IRAG2: variants seen among roughly 807,000 people sequenced by gnomAD.
IRAG2 encodes the protein lymphoid restricted membrane protein.
Under a neutral mutation model 69.9 loss-of-function variants are expected in IRAG2, and 45 were observed. The observed-to-expected ratio is 0.64, with a 90% CI of 0.51 to 0.83. IRAG2 has a LOEUF of 0.83. Among genes scored for constraint, IRAG2 ranks in the 40% least tolerant of loss-of-function variants. The pLI, the probability that IRAG2 is intolerant of heterozygous loss-of-function variation, is 0.00. For synonymous variants in IRAG2, 193 were observed against 202.4 expected (o/e 0.95, Z 0.40); for missense variants, 520 against 587.0 (o/e 0.89, Z 1.18).
At chr12:25,096,783 CTTCTT>C (rs775733858) in intron 14 of IRAG2, 122 bp from the exon 15 acceptor site, 38 of 699,336 alleles carry the variant, frequency 5.4e-5, no homozygotes, top group Non-Finnish European at 8.7e-5. Context: ...ATCTTTGCTG[CTTCTT>C]TTCATCTTCC....
At chr12:25,056,884 C>T (rs1450924198) in intron 1 of IRAG2, among the ~76,000 whole-genome samples, 1 of 152,140 alleles carries the variant, frequency 6.6e-6, no homozygotes, top group South Asian at 2.1e-4. Context: ...GTGTCTGCAC[C>T]TGGGCCTCCC....
chr12:25,042,482 T>A (rs78417645), intron 16 of IRAG2, among the ~76,000 whole-genome samples: 2 of 152,172 alleles, frequency 1.3e-5, no homozygotes, highest in Admixed American at 1.3e-4. Flanking sequence ...ATTTTTTTTT[T>A]ATGAGACAGA....
At chr12:25,051,312 C>T (rs1326570781), upstream of IRAG2, among the ~76,000 whole-genome samples, 1 of 152,152 alleles carries the variant, frequency 6.6e-6, no homozygotes, top group Admixed American at 6.5e-5. Context: ...TCATGTGGTC[C>T]TTCGTGTAAC....
chr12:25,015,141 A>G, intron 3 of IRAG2: 2 of 814,442 alleles, frequency 2.5e-6, no homozygotes, highest in Non-Finnish European at 3.1e-6. Flanking sequence ...AAAGAATCCT[A>G]GCTCACTGGT....
At chr12:25,002,115 C>T (rs746316583), upstream of IRAG2, among the ~76,000 whole-genome samples, 20 of 152,124 alleles carry the variant, frequency 1.3e-4, no homozygotes, top group Admixed American at 6.5e-4. Flanking sequence ...CAGATGTGTT[C>T]CTGCCAAGTC....
At chr12:25,089,421 T>C (rs528234482) in intron 11 of IRAG2, among the ~76,000 whole-genome samples, 193 bp from the exon 12 acceptor site, 22 of 152,334 alleles carry the variant, frequency 1.4e-4, no homozygotes, top group Non-Finnish European at 1.6e-4. Flanking sequence ...TATAAACAAA[T>C]GATTGTAATG....
intron 10 of IRAG2, among the ~76,000 whole-genome samples, chr12:25,030,521 G>A (rs1944661039): frequency 6.6e-6 from 1 of 152,052 alleles, no homozygotes; most frequent in South Asian, 2.1e-4. Context: ...TGAGTAGCTG[G>A]GATTACAGGT....
chr12:25,060,028 G>T (rs900237977), intron 1 of IRAG2, among the ~76,000 whole-genome samples: 1 of 152,012 alleles, frequency 6.6e-6, no homozygotes, highest in African/African-American at 2.4e-5. Context: ...TAATTTTCCT[G>T]GCTGTTAGTG....
chr12:25,061,418 G>T (rs1352427176), intron 1 of IRAG2, among the ~76,000 whole-genome samples, 174 bp from the exon 2 acceptor site: 3 of 152,202 alleles, frequency 2.0e-5, no homozygotes, highest in Non-Finnish European at 4.4e-5. Flanking sequence ...CCAGCTACTT[G>T]GGAGGTTGAA....
At chr12:25,073,942 C>G (rs1946498752) in intron 6 of IRAG2, among the ~76,000 whole-genome samples, 2 of 152,158 alleles carry the variant, frequency 1.3e-5, no homozygotes, top group South Asian at 4.1e-4. Flanking sequence ...TCATTAGATT[C>G]TTTGTTTTGT....
intron 11 of IRAG2, among the ~76,000 whole-genome samples, chr12:25,088,742 CA>C (rs1947820934): frequency 6.6e-6 from 1 of 152,152 alleles, no homozygotes; most frequent in Admixed American, 6.5e-5. Context: ...TTTAGTCCTC[CA>C]AATACTATGT....
upstream of IRAG2, among the ~76,000 whole-genome samples, chr12:25,050,746 T>C (rs1273476428): frequency 6.6e-6 from 1 of 152,118 alleles, no homozygotes; most frequent in Non-Finnish European, 1.5e-5. Flanking sequence ...CCACGGATGA[T>C]TGGATAAAGA....
intron 14 of IRAG2, chr12:25,036,541 T>C (rs1944703674): frequency 2.5e-6 from 1 of 398,688 alleles, no homozygotes; most frequent in East Asian, 3.6e-5. Context: ...GATTATATAA[T>C]AGCATATGTC....
At chr12:25,015,370 A>G in exon 5 of IRAG2, 1 of 1,232,016 alleles carries the variant, frequency 8.1e-7, no homozygotes. Flanking sequence ...CACAGATATA[A>G]CAGATTCTAC....
At chr12:25,094,716 T>C (rs542380758) in intron 14 of IRAG2, among the ~76,000 whole-genome samples, 3 of 94,822 alleles carry the variant, frequency 3.2e-5, no homozygotes, top group African/African-American at 1.0e-4. Flanking sequence ...AGGGTGTCTT[T>C]CCATTTATTT....
chr12:25,039,493 T>C (rs951742411), intron 16 of IRAG2, among the ~76,000 whole-genome samples: 3 of 152,218 alleles, frequency 2.0e-5, no homozygotes, highest in East Asian at 1.9e-4. Flanking sequence ...TGCAGTGGCG[T>C]GATCTCTGCT....
intron 16 of IRAG2, among the ~76,000 whole-genome samples, chr12:25,038,860 T>C (rs1944724659): frequency 6.6e-6 from 1 of 152,212 alleles, no homozygotes; most frequent in Non-Finnish European, 1.5e-5. Flanking sequence ...GCCAGGTCTG[T>C]TGGCTCCTCC....
At chr12:25,035,888 T>C (rs948424305) in intron 14 of IRAG2, 2 of 397,522 alleles carry the variant, frequency 5.0e-6, no homozygotes, top group Non-Finnish European at 8.9e-6. Flanking sequence ...TGTATCTGTG[T>C]GCTGCTGAGA....
intron 16 of IRAG2, chr12:25,101,904 C>G (rs1948770843): frequency 1.7e-6 from 1 of 601,964 alleles, no homozygotes; most frequent in African/African-American, 1.8e-5. Context: ...ATTTGATACT[C>G]TTCTGAACTG....
Sources: gnomAD v4.1 joint callset for allele counts (sites outside exome capture counted in the v4.1 genomes callset) on GRCh38, gnomAD v4.1.1 for gene constraint, MANE v1.5 for transcripts, NCBI Gene and HGNC (gene_info 2026-07-23, HGNC 2026-07-21) for gene names.